Variants in SCPPPQ1 observed in about 807,000 individuals in gnomAD.
The protein encoded by SCPPPQ1 is secretory calcium-binding phosphoprotein proline-glutamine rich 1, also known as secretory calcium-binding phosphoprotein proline- and glutamine-rich 1.
chr4:87,470,808 C>T, the SCPPPQ1 span, among the ~76,000 whole-genome samples: 5 of 152,106 alleles, frequency 3.3e-5, no homozygotes, highest in Non-Finnish European at 7.4e-5. Flanking sequence ...TGCTACTTTG[C>T]CTGAATTTAG....
At chr4:87,469,924 G>A in the SCPPPQ1 span, among the ~76,000 whole-genome samples, 4 of 146,940 alleles carry the variant, frequency 2.7e-5, no homozygotes, top group East Asian at 6.0e-4. Context: ...CTGAAGTTGC[G>A]TTTGTGATCT....
chr4:87,463,461 T>C, the SCPPPQ1 span, among the ~76,000 whole-genome samples: 9 of 152,054 alleles, frequency 5.9e-5, no homozygotes, highest in Admixed American at 5.9e-4. Flanking sequence ...GGAAGAAAAA[T>C]TGATGATCAG....
the SCPPPQ1 span, among the ~76,000 whole-genome samples, chr4:87,469,719 C>A: frequency 1.3e-5 from 2 of 152,064 alleles, no homozygotes; most frequent in African/African-American, 2.4e-5. Context: ...AGTCCTATTC[C>A]TATTTAGAGG....
chr4:87,466,250 A>G, the SCPPPQ1 span, among the ~76,000 whole-genome samples: 1 of 151,936 alleles, frequency 6.6e-6, no homozygotes, highest in African/African-American at 2.4e-5. Flanking sequence ...TTAGCCAGGC[A>G]TGGTGGCTAC....
the SCPPPQ1 span, among the ~76,000 whole-genome samples, chr4:87,465,782 A>G: frequency 6.6e-6 from 1 of 152,164 alleles, no homozygotes; most frequent in African/African-American, 2.4e-5. Flanking sequence ...ATTAGAATCT[A>G]GTGGGTTCAA....
At chr4:87,463,584 ATAT>A in the SCPPPQ1 span, among the ~76,000 whole-genome samples, 8 of 151,852 alleles carry the variant, frequency 5.3e-5, no homozygotes, top group East Asian at 5.8e-4. Context: ...ATTGCTTAGT[ATAT>A]TATTTATATG....
chr4:87,466,190 G>A, the SCPPPQ1 span, among the ~76,000 whole-genome samples: 206 of 151,922 alleles, frequency 1.4e-3, 1 homozygote, highest in African/African-American at 4.5e-3. Context: ...GAGTGAGTTC[G>A]CCCAGCCCAA....
chr4:87,465,002 G>A, the SCPPPQ1 span, among the ~76,000 whole-genome samples: 4 of 152,098 alleles, frequency 2.6e-5, no homozygotes, highest in Non-Finnish European at 5.9e-5. Context: ...TTTATACCAT[G>A]ACTGTAACCT....
At chr4:87,460,915 A>C in the SCPPPQ1 span, 4 of 152,644 alleles carry the variant, frequency 2.6e-5, 1 homozygote, top group Non-Finnish European at 5.9e-5. Context: ...CAAAATTATA[A>C]AACTACCATC....
the SCPPPQ1 span, among the ~76,000 whole-genome samples, chr4:87,467,417 G>A: frequency 4.7e-5 from 7 of 148,296 alleles, no homozygotes; most frequent in Non-Finnish European, 1.1e-4. Flanking sequence ...GCTTGAACTT[G>A]GGAAAAAGTT....
the SCPPPQ1 span, among the ~76,000 whole-genome samples, chr4:87,461,465 A>G: frequency 3.7e-3 from 570 of 152,316 alleles, 4 homozygotes; most frequent in African/African-American, 0.013. Context: ...TAAGGGCCAC[A>G]CCTGATTTGG....
At chr4:87,464,364 ACC>A in the SCPPPQ1 span, among the ~76,000 whole-genome samples, 413 of 149,906 alleles carry the variant, frequency 2.8e-3, no homozygotes, top group Non-Finnish European at 4.4e-3. Flanking sequence ...TATTTTAAGT[ACC>A]CCCCCCCAAC....
the SCPPPQ1 span, chr4:87,462,087 C>T: frequency 6.6e-6 from 1 of 152,230 alleles, no homozygotes; most frequent in East Asian, 1.9e-4. Flanking sequence ...CCATGCCTCC[C>T]ATTTTATGGT....
At chr4:87,461,606 A>G in the SCPPPQ1 span, among the ~76,000 whole-genome samples, 9 of 152,350 alleles carry the variant, frequency 5.9e-5, no homozygotes, top group African/African-American at 9.6e-5. Flanking sequence ...AAGCATTTCA[A>G]ACTCAAATAG....
the SCPPPQ1 span, among the ~76,000 whole-genome samples, chr4:87,461,725 A>G: frequency 0.028 from 4,208 of 152,270 alleles, 192 homozygotes; most frequent in African/African-American, 0.096. Context: ...ATTTAACAGT[A>G]TGTTTTCTTA....
chr4:87,470,141 A>C, the SCPPPQ1 span, among the ~76,000 whole-genome samples: 1 of 151,772 alleles, frequency 6.6e-6, no homozygotes, highest in African/African-American at 2.4e-5. Context: ...ATTTTCTTAG[A>C]GATGGGGTCT....
At chr4:87,462,501 CTTTTTTTT>C in the SCPPPQ1 span, among the ~76,000 whole-genome samples, 7 of 128,680 alleles carry the variant, frequency 5.4e-5, no homozygotes, top group Non-Finnish European at 1.2e-4. Context: ...TTCTTTCTTT[CTTTTTTTT>C]GGTATGTATT....
At chr4:87,462,721 G>A in the SCPPPQ1 span, among the ~76,000 whole-genome samples, 8 of 152,236 alleles carry the variant, frequency 5.3e-5, 1 homozygote, top group Admixed American at 2.0e-4. Flanking sequence ...TGAAAGCCTG[G>A]GCACAGTGGC....
chr4:87,464,237 G>A, the SCPPPQ1 span, among the ~76,000 whole-genome samples: 4 of 152,160 alleles, frequency 2.6e-5, no homozygotes, highest in Admixed American at 2.6e-4. Flanking sequence ...GTAAGGAGTT[G>A]TAATTCAGCA....
Sources: allele counts gnomAD v4.1 joint callset (sites outside exome capture counted in the v4.1 genomes callset), GRCh38; gene constraint gnomAD v4.1.1; transcripts MANE v1.5; gene names NCBI Gene and HGNC (gene_info 2026-07-23, HGNC 2026-07-21).